Variants in PTPRF observed in about 807,000 individuals in gnomAD.
PTPRF encodes the protein receptor-type tyrosine-protein phosphatase F.
In PTPRF, 59 loss-of-function variants were observed where a neutral mutation model predicts 201.8. The observed-to-expected ratio is 0.29, with a 90% confidence interval of 0.24 to 0.36. The LOEUF (loss-of-function observed/expected upper bound fraction) is 0.36. Among genes scored for constraint, PTPRF ranks in the 10% least tolerant of loss-of-function variants. The pLI is 1.00. For synonymous variants in PTPRF, 1,088 were observed against 1,089.7 expected (o/e 1.00, Z 0.03); for missense variants, 2,132 against 2,690.5 (o/e 0.79, Z 4.59).
intron 5 of PTPRF, among the ~76,000 whole-genome samples, chr1:43,565,736 G>GTGC (rs1646121497): frequency 6.6e-6 from 1 of 152,132 alleles, no homozygotes; most frequent in Admixed American, 6.5e-5. Flanking sequence ...GGAAAGCCTA[G>GTGC]TGGGAGGATT....
At chr1:43,574,560 A>G (rs1383996777) in intron 6 of PTPRF, among the ~76,000 whole-genome samples, 5 of 152,216 alleles carry the variant, frequency 3.3e-5, no homozygotes, top group East Asian at 1.9e-4. Context: ...CATTAGGGCA[A>G]TTGTGATAGC....
At position 43,542,493 on chromosome 1, in the gene PTPRF, G is replaced by A. The variant is rs887083880; in HGVS notation, c.-45-2538G>A. ...CACAGGGGGTTTCTGGAGGCCCCAC[G>A]TTGGGGGTAGGGTTACCTGAGGCCC... On this transcript the variant is annotated intron_variant, in intron 2 of 33. Transcript: ENST00000359947. The surrounding 1 kb of genome is among the most constrained non-coding windows in gnomAD (Gnocchi z 5.2). Among the ~76,000 whole-genome samples, 5 of 152,126 alleles carry A rather than the reference G, an allele frequency of 3.3e-5. No individual in the cohort carries two copies. The highest frequency in any genetic ancestry group is 2.9e-5 in the Non-Finnish European group (2 of 68,016).
rs755880536 is a variant in PTPRF at position 43,569,705 on chromosome 1, G to C, written c.495G>C (p.Glu165Asp). ...CCGCAGGCGGAAATCCAGACCCTGA[G>C]ATTTCTTGGTTCAAGGACTTCCTTC... ...LCAAGGNPDP[E>D]ISWFKDFLPV... The change falls in exon 6 of 34, where the codon GAG (glutamate) becomes GAC (aspartate). Residue 165 changes from glutamate (E) to aspartate (D), a missense_variant. Physicochemically the swap from Glu to Asp is conservative, Grantham distance 45. This residue lies in a region of PTPRF where 297 missense variants were observed against 454.0 expected (regional missense o/e 0.65). Coordinates refer to ENST00000359947, the MANE Select transcript of PTPRF (RefSeq NM_002840.5). The C allele has an allele frequency of 6.2e-7, 1 of 1,614,068 alleles. No individual in the cohort carries two copies. Among genetic ancestry groups the C allele is most frequent in the South Asian group, 1.1e-5 (1 of 91,070 alleles).
intron 5 of PTPRF, among the ~76,000 whole-genome samples, chr1:43,559,118 G>A (rs751751913): frequency 1.3e-5 from 2 of 152,222 alleles, no homozygotes; most frequent in Admixed American, 6.5e-5. Context: ...TGCACTGTTC[G>A]TGTGGTGTGG....
chr1:43,614,672 G>A lies in PTPRF; in HGVS notation c.4071+957G>A, dbSNP rs572129530. Among the ~76,000 whole-genome samples, 14 of 152,198 alleles carry A rather than the reference G, an allele frequency of 9.2e-5. No homozygotes were observed. In the South Asian group the frequency reaches 2.1e-3, roughly 23 times the overall value. ...TTGAGACCAGCCTGGCCACCGTGGC[G>A]AAACTGCATCTCTACTATAAATACA... On this transcript the variant is annotated intron_variant, in intron 23 of 33. Coordinates refer to ENST00000359947, the MANE Select transcript of PTPRF (RefSeq NM_002840.5).
At chr1:43,613,580 C>G in intron 22 of PTPRF, 38 bp from the exon 23 acceptor site, 1 of 1,534,840 alleles carries the variant, frequency 6.5e-7, no homozygotes, top group Non-Finnish European at 9.0e-7. Context: ...GCTCAAGCCT[C>G]ACACTAATGC....
At chr1:43,533,978 G>A (rs1298228329) in intron 1 of PTPRF, among the ~76,000 whole-genome samples, 2 of 152,166 alleles carry the variant, frequency 1.3e-5, no homozygotes, top group Non-Finnish European at 2.9e-5. Context: ...AAGCAGCTGC[G>A]GTTCTGAGTT....
intron 11 of PTPRF, among the ~76,000 whole-genome samples, chr1:43,593,782 T>TA (rs1385964744): frequency 2.0e-5 from 3 of 150,872 alleles, no homozygotes; most frequent in South Asian, 2.1e-4. Context: ...GGTCAGGAGT[T>TA]AGAGACCAGC....
At chr1:43,584,364 A>G (rs962707849) in intron 7 of PTPRF, among the ~76,000 whole-genome samples, 3 of 152,184 alleles carry the variant, frequency 2.0e-5, no homozygotes, top group Admixed American at 6.5e-5. Flanking sequence ...CTAGGCTCAG[A>G]TATCAGCCCT....
Position 43,604,965 on chromosome 1 carries a change from G to A in PTPRF, c.3100G>A (p.Val1034Ile). ...GACGTCTGTGCTGCTCAGCTGGGAGGTTCCCGACTCCTATAAGTCAGCTGT... is the reference window on the plus strand; with the variant it reads ...GACGTCTGTGCTGCTCAGCTGGGAGATTCCCGACTCCTATAAGTCAGCTGT... ...MKTSVLLSWE[V>I]PDSYKSAVPF... Residue 1034 changes from valine to isoleucine, a missense_variant, in exon 17 of 34, where the codon GTT becomes ATT. Physicochemically the swap from Val to Ile is conservative, Grantham distance 29. Around this residue, in one of 6 missense-constraint regions of PTPRF, gnomAD observed 818 missense variants for 915.3 expected, o/e 0.89. Transcript: ENST00000359947. The A allele has an allele frequency of 6.2e-7, 1 of 1,614,172 alleles. No homozygotes were observed.
chr1:43,567,885 T>G (rs1005649640), intron 5 of PTPRF, among the ~76,000 whole-genome samples: 1 of 152,162 alleles, frequency 6.6e-6, no homozygotes, highest in Admixed American at 6.5e-5. Context: ...TCCCCCACCA[T>G]GAGCCCAGCT....
Position 43,530,891 on chromosome 1 carries a change from C to CGGTGGCGGCGGCAGA in PTPRF, c.-322_-308dup, listed in dbSNP as rs1557646498. 2.0e-5 allele frequency: 3 copies of CGGTGGCGGCGGCAGA among 152,196 alleles called. No homozygotes were observed. Among genetic ancestry groups the CGGTGGCGGCGGCAGA allele is most frequent in the Non-Finnish European group, 4.4e-5 (3 of 68,316 alleles). 9.4% of individuals were successfully genotyped at this position (152,196 alleles called of 1,614,324 possible). On this transcript the variant is annotated 5_prime_UTR_variant, in exon 1 of 34. Coordinates refer to ENST00000359947, the MANE Select transcript of PTPRF (RefSeq NM_002840.5). The surrounding 1 kb of genome is among the most constrained non-coding windows in gnomAD (Gnocchi z 4.1). ...GGAGCTGGCGCGGGAGCGGCGGGAGCGGTGGCGGCGGCAGAGGCGGCGGCT... is the reference window on the plus strand; with the variant it reads ...GGAGCTGGCGCGGGAGCGGCGGGAGCGGTGGCGGCGGCAGAGGTGGCGGCGGCAGAGGCGGCGGCT...
At position 43,581,890 on chromosome 1, in the gene PTPRF, T is replaced by C. The variant is rs576724267; in HGVS notation, c.679+2970T>C. On this transcript the variant is annotated intron_variant, in intron 7 of 33. Transcript: ENST00000359947. ...TTGACATTTTGGGCTGGACGATTCTTAGTTGTGAGGGGCCATCCTGTGCAT... is the reference window on the plus strand; with the variant it reads ...TTGACATTTTGGGCTGGACGATTCTCAGTTGTGAGGGGCCATCCTGTGCAT... 2.0e-5 allele frequency among the ~76,000 whole-genome samples: 3 copies of C among 152,348 alleles called. No individual in the cohort carries two copies. The East Asian group carries it at 5.8e-4, about 29-fold the overall frequency.
At chr1:43,573,104 A>G (rs1345913097) in intron 6 of PTPRF, among the ~76,000 whole-genome samples, 1 of 152,168 alleles carries the variant, frequency 6.6e-6, no homozygotes, top group Non-Finnish European at 1.5e-5. Flanking sequence ...TCTGCTCAGC[A>G]GGCCTTTTCT....
intron 12 of PTPRF, 27 bp downstream of exon 12, chr1:43,598,080 G>A (rs1308544083): frequency 1.4e-6 from 2 of 1,450,036 alleles, no homozygotes; most frequent in Non-Finnish European, 1.8e-6. Context: ...GGGCGGGAGG[G>A]GAGGCGTTCT....
intron 23 of PTPRF, among the ~76,000 whole-genome samples, chr1:43,615,321 C>T (rs937836996): frequency 2.6e-5 from 4 of 152,188 alleles, no homozygotes; most frequent in African/African-American, 9.7e-5. Flanking sequence ...TGGCCTCCAC[C>T]CACACTCATC....
intron 17 of PTPRF, 82 bp downstream of exon 17, chr1:43,605,082 A>T: frequency 6.3e-7 from 1 of 1,578,604 alleles, no homozygotes; most frequent in East Asian, 2.3e-5. Flanking sequence ...ACCCATGTGC[A>T]TCCGGCTGTG....
At position 43,609,495 on chromosome 1, in the gene PTPRF, C is replaced by A; in HGVS notation, c.3970C>A (p.Pro1324Thr). The change falls in exon 22 of 34, where the codon CCA becomes ACA. Residue 1324 changes from proline (P) to threonine (T), a missense_variant. Pro to Thr is a conservative substitution (Grantham distance 38). Around this residue, in one of 6 missense-constraint regions of PTPRF, gnomAD observed 818 missense variants for 915.3 expected, o/e 0.89. Coordinates refer to ENST00000359947, the MANE Select transcript of PTPRF (RefSeq NM_002840.5). Reference protein sequence around the residue: ...VEMRRLNYQTPGMRDHPPIPI... With the variant: ...VEMRRLNYQTTGMRDHPPIPI... ...GATGCGGAGGCTCAACTACCAGACCCCAGGTAGGGCACTCCTATGGCCTGT... is the reference window on the plus strand; with the variant it reads ...GATGCGGAGGCTCAACTACCAGACCACAGGTAGGGCACTCCTATGGCCTGT... 6.2e-7 allele frequency: 1 copy of A among 1,612,268 alleles called. No homozygotes were observed. Among genetic ancestry groups the A allele is most frequent in the Non-Finnish European group, 8.5e-7 (1 of 1,178,844 alleles).
Position 43,620,494 on chromosome 1 carries a change from G to C in PTPRF, c.5279G>C (p.Arg1760Pro), listed in dbSNP as rs779513130. The change falls in exon 31 of 34, where the codon CGC (arginine) becomes CCC (proline). Residue 1760 changes from arginine to proline, a missense_variant. Coordinates refer to ENST00000359947, the MANE Select transcript of PTPRF (RefSeq NM_002840.5). ...HQYWPAERSA[R>P]YQYFVVDPMA... ...TACTGGCCAGCAGAGCGCTCTGCTC[G>C]CTACCAGTACTTTGTTGTTGACCCG... 1.2e-6 allele frequency: 2 copies of C among 1,613,472 alleles called. No homozygotes were observed. The highest frequency in any genetic ancestry group is 8.5e-7 in the Non-Finnish European group (1 of 1,179,388).
Sources: allele counts gnomAD v4.1 joint callset (sites outside exome capture counted in the v4.1 genomes callset), GRCh38; gene constraint gnomAD v4.1.1; regional missense constraint gnomAD v4.1.1; non-coding constraint Gnocchi (gnomAD v3.1); transcripts MANE v1.5; gene names NCBI Gene and HGNC (gene_info 2026-07-23, HGNC 2026-07-21).